RPSA2: variants seen among roughly 807,000 people sequenced by gnomAD.
RPSA2 encodes the protein ribosomal protein SA 2, also known as small ribosomal subunit protein uS2B.
At chr19:23,778,404 G>A in the RPSA2 span, among the ~76,000 whole-genome samples, 4 of 152,220 alleles carry the variant, frequency 2.6e-5, no homozygotes, top group South Asian at 8.3e-4. Flanking sequence ...AGTAGAGACA[G>A]GGTTTCTTCA....
At chr19:23,862,547 A>G in the RPSA2 span, among the ~76,000 whole-genome samples, 620 of 152,134 alleles carry the variant, frequency 4.1e-3, 1 homozygote, top group African/African-American at 0.014. Context: ...TTTGAGATAC[A>G]TCCCATCAAT....
the RPSA2 span, among the ~76,000 whole-genome samples, chr19:23,783,367 T>G: frequency 3.9e-5 from 6 of 152,030 alleles, no homozygotes; most frequent in African/African-American, 1.2e-4. Context: ...AGTGCTGAGC[T>G]TATAGGCAGG....
chr19:23,791,268 G>A, the RPSA2 span, among the ~76,000 whole-genome samples: 1 of 152,130 alleles, frequency 6.6e-6, no homozygotes, highest in Non-Finnish European at 1.5e-5. Context: ...CGTAAGTGCT[G>A]GGATTACAGG....
At chr19:23,818,020 T>C in the RPSA2 span, 1 of 152,154 alleles carries the variant, frequency 6.6e-6, no homozygotes, top group Non-Finnish European at 1.5e-5. Context: ...CATTGCTCTA[T>C]GGGAGGAGAG....
chr19:23,864,943 C>T, the RPSA2 span, among the ~76,000 whole-genome samples: 1 of 152,184 alleles, frequency 6.6e-6, no homozygotes, highest in Non-Finnish European at 1.5e-5. Flanking sequence ...AGCTCAGGCC[C>T]TTCTTCACCA....
chr19:23,857,994 T>C, the RPSA2 span, among the ~76,000 whole-genome samples: 4 of 151,786 alleles, frequency 2.6e-5, no homozygotes, highest in East Asian at 1.9e-4. Context: ...TGGAGAAAGC[T>C]TTTTTTTAAA....
At chr19:23,866,827 C>T in the RPSA2 span, among the ~76,000 whole-genome samples, 1 of 152,136 alleles carries the variant, frequency 6.6e-6, no homozygotes, top group Non-Finnish European at 1.5e-5. Flanking sequence ...TTCCAAAGTT[C>T]CCACTGGCAT....
At chr19:23,846,436 ATT>A in the RPSA2 span, among the ~76,000 whole-genome samples, 1 of 150,172 alleles carries the variant, frequency 6.7e-6, no homozygotes, top group Non-Finnish European at 1.5e-5. Flanking sequence ...TGATTTATTT[ATT>A]TCTCTCTTTG....
At chr19:23,848,775 T>G in the RPSA2 span, among the ~76,000 whole-genome samples, 1 of 152,216 alleles carries the variant, frequency 6.6e-6, no homozygotes, top group African/African-American at 2.4e-5. Flanking sequence ...GGTGAACTAA[T>G]TTTTGATTGA....
At chr19:23,852,052 T>G in the RPSA2 span, among the ~76,000 whole-genome samples, 1 of 152,200 alleles carries the variant, frequency 6.6e-6, no homozygotes, top group African/African-American at 2.4e-5. Context: ...ATCATTATGT[T>G]GAACTATTAG....
At chr19:23,858,438 T>G in the RPSA2 span, among the ~76,000 whole-genome samples, 2 of 152,234 alleles carry the variant, frequency 1.3e-5, no homozygotes, top group Non-Finnish European at 2.9e-5. Flanking sequence ...GTTTGCTGTC[T>G]TGCTTATTCA....
At chr19:23,864,491 T>C in the RPSA2 span, among the ~76,000 whole-genome samples, 1 of 152,082 alleles carries the variant, frequency 6.6e-6, no homozygotes, top group African/African-American at 2.4e-5. Context: ...GAAGCAACAC[T>C]ATAACAGTGC....
the RPSA2 span, among the ~76,000 whole-genome samples, chr19:23,761,920 C>CTTTCTT: frequency 3.1e-5 from 1 of 32,400 alleles, no homozygotes; most frequent in African/African-American, 9.6e-5. Context: ...TTCTTTCTTT[C>CTTTCTT]TTTTTTTTTT....
chr19:23,831,784 A>T, the RPSA2 span: 1 of 292,692 alleles, frequency 3.4e-6, no homozygotes, highest in Admixed American at 3.7e-5. Context: ...AGTGTTTCAC[A>T]ACTACTCAGA....
At chr19:23,867,260 A>T in the RPSA2 span, among the ~76,000 whole-genome samples, 6 of 152,176 alleles carry the variant, frequency 3.9e-5, no homozygotes, top group Admixed American at 3.9e-4. Flanking sequence ...CCCTAGTGGG[A>T]GTAGGAGCAG....
the RPSA2 span, among the ~76,000 whole-genome samples, chr19:23,766,142 CCTTTTTT>C: frequency 1.2e-4 from 5 of 43,260 alleles, no homozygotes; most frequent in Non-Finnish European, 1.5e-4. Flanking sequence ...TATTTCATTT[CCTTTTTT>C]TTTTTTTTTT....
the RPSA2 span, among the ~76,000 whole-genome samples, chr19:23,767,534 C>G: frequency 6.6e-6 from 1 of 152,188 alleles, no homozygotes; most frequent in African/African-American, 2.4e-5. Context: ...TAAGGCAATG[C>G]AAGAACCTGC....
the RPSA2 span, among the ~76,000 whole-genome samples, chr19:23,851,992 C>A: frequency 1.3e-5 from 2 of 152,084 alleles, no homozygotes; most frequent in Non-Finnish European, 1.5e-5. Context: ...CCGAGCTTGT[C>A]CAATTAGGGT....
the RPSA2 span, chr19:23,833,174 C>A: frequency 4.2e-6 from 5 of 1,192,520 alleles, no homozygotes; most frequent in South Asian, 7.2e-5. Context: ...TTTTCCTGGT[C>A]CTCAGCCCTA....
Sources: allele counts gnomAD v4.1 joint callset (sites outside exome capture counted in the v4.1 genomes callset), GRCh38; gene constraint gnomAD v4.1.1; transcripts MANE v1.5; gene names NCBI Gene and HGNC (gene_info 2026-07-23, HGNC 2026-07-21).